LRRTM4: variants seen among roughly 807,000 people sequenced by gnomAD.
LRRTM4 encodes the protein leucine-rich repeat transmembrane neuronal protein 4.
LRRTM4 carries 25 observed loss-of-function variants against 47.6 expected under a neutral mutation model. That is an observed-to-expected ratio of 0.53 (90% CI 0.38 to 0.73). LRRTM4 has a LOEUF of 0.73. Among genes scored for constraint, LRRTM4 ranks in the 30% least tolerant of loss-of-function variants. The pLI, the probability that LRRTM4 is intolerant of heterozygous loss-of-function variation, is 0.00. For synonymous variants in LRRTM4, 311 were observed against 269.5 expected, an observed-to-expected ratio of 1.15 and a Z score of -1.51; for missense variants, 638 against 713.4, an observed-to-expected ratio of 0.89 and a Z score of 1.20.
intron 3 of LRRTM4, chr2:77,516,925 G>A: frequency 1.0e-6 from 1 of 984,418 alleles, no homozygotes; most frequent in Non-Finnish European, 1.2e-6. Context: ...TGCTATCAAA[G>A]AGCAATTATA....
At chr2:77,156,368 C>T (rs1558608888) in intron 3 of LRRTM4, among the ~76,000 whole-genome samples, 1 of 148,402 alleles carries the variant, frequency 6.7e-6, no homozygotes, top group East Asian at 2.0e-4. Flanking sequence ...AACAGAATTT[C>T]TAGAAATAAA....
At chr2:77,096,558 TGA>T (rs1396482201) in intron 3 of LRRTM4, among the ~76,000 whole-genome samples, 3 of 151,458 alleles carry the variant, frequency 2.0e-5, no homozygotes, top group African/African-American at 7.2e-5. Context: ...AAAGACAAAA[TGA>T]GAGTTAAATA....
At chr2:77,088,569 C>G (rs1680807150) in intron 3 of LRRTM4, among the ~76,000 whole-genome samples, 1 of 152,246 alleles carries the variant, frequency 6.6e-6, no homozygotes, top group East Asian at 1.9e-4. Flanking sequence ...TATCTCCATT[C>G]GCTGACTCTC....
intron 3 of LRRTM4, among the ~76,000 whole-genome samples, chr2:77,085,817 A>G (rs1380582938): frequency 6.6e-6 from 1 of 152,148 alleles, no homozygotes; most frequent in East Asian, 1.9e-4. Context: ...TAGCTAATGT[A>G]AAATATATAG....
intron 3 of LRRTM4, among the ~76,000 whole-genome samples, chr2:77,209,933 A>C (rs563053129): frequency 6.3e-4 from 96 of 152,182 alleles, no homozygotes; most frequent in Middle Eastern, 3.4e-3. Flanking sequence ...TCAAAGAGTA[A>C]CTCTTTGACT....
intron 3 of LRRTM4, among the ~76,000 whole-genome samples, chr2:77,007,529 A>G (rs1417289479): frequency 2.0e-5 from 3 of 152,210 alleles, no homozygotes; most frequent in South Asian, 4.1e-4. Flanking sequence ...AGGACCAAGG[A>G]AAAATTAATT....
intron 3 of LRRTM4, among the ~76,000 whole-genome samples, chr2:76,933,839 A>G (rs1396178358): frequency 2.0e-5 from 3 of 152,170 alleles, no homozygotes; most frequent in Non-Finnish European, 4.4e-5. Flanking sequence ...CCAGCTTTAG[A>G]GTCAGCCATG....
At chr2:77,434,316 A>G (rs1021074282) in intron 3 of LRRTM4, among the ~76,000 whole-genome samples, 1 of 152,178 alleles carries the variant, frequency 6.6e-6, no homozygotes, top group Non-Finnish European at 1.5e-5. Context: ...GAAAATAAAA[A>G]TGCTGCAAAA....
intron 3 of LRRTM4, among the ~76,000 whole-genome samples, chr2:77,055,344 C>T (rs372228869): frequency 4.6e-5 from 7 of 152,184 alleles, no homozygotes; most frequent in South Asian, 2.1e-4. Flanking sequence ...TCTGGGCACA[C>T]GTACATCTCT....
At chr2:76,768,824 C>G (rs1011298105) in intron 3 of LRRTM4, among the ~76,000 whole-genome samples, 2 of 152,134 alleles carry the variant, frequency 1.3e-5, no homozygotes, top group African/African-American at 4.8e-5. Flanking sequence ...ATTCCTCCTG[C>G]ATGAAACCGG....
chr2:77,177,676 G>T (rs1228865818), intron 3 of LRRTM4, among the ~76,000 whole-genome samples: 1 of 152,166 alleles, frequency 6.6e-6, no homozygotes, highest in Non-Finnish European at 1.5e-5. Context: ...TAATTTTCAT[G>T]ATTGGAATCC....
chr2:77,226,297 C>T (rs755972025), intron 3 of LRRTM4, among the ~76,000 whole-genome samples: 3 of 151,566 alleles, frequency 2.0e-5, no homozygotes, highest in African/African-American at 2.4e-5. Flanking sequence ...AGCACAGGTA[C>T]GGTCAGAGAA....
chr2:77,065,313 T>C (rs1679916685), intron 3 of LRRTM4, among the ~76,000 whole-genome samples: 1 of 152,156 alleles, frequency 6.6e-6, no homozygotes, highest in Admixed American at 6.5e-5. Context: ...TCAGAAGTTA[T>C]AAAGATAAAC....
At chr2:76,923,426 G>T (rs1340331228) in intron 3 of LRRTM4, among the ~76,000 whole-genome samples, 1 of 151,704 alleles carries the variant, frequency 6.6e-6, no homozygotes, top group African/African-American at 2.4e-5. Flanking sequence ...AATAAATGAA[G>T]GTAATAAATA....
chr2:76,805,202 A>T (rs975897108), intron 3 of LRRTM4, among the ~76,000 whole-genome samples: 3 of 152,096 alleles, frequency 2.0e-5, no homozygotes, highest in African/African-American at 7.2e-5. Context: ...TCCTAATGAA[A>T]TTCCACTTGT....
chr2:76,936,950 A>C (rs1295624595), intron 3 of LRRTM4, among the ~76,000 whole-genome samples: 2 of 111,976 alleles, frequency 1.8e-5, no homozygotes, highest in South Asian at 3.1e-4. Flanking sequence ...GCAAGACTCC[A>C]TCTCAAAAAA....
At chr2:76,810,747 A>G (rs1670707619) in intron 3 of LRRTM4, among the ~76,000 whole-genome samples, 1 of 152,174 alleles carries the variant, frequency 6.6e-6, no homozygotes, top group Non-Finnish European at 1.5e-5. Flanking sequence ...CAGTAGGATT[A>G]TTGGCCCCTT....
At position 76,766,490 on chromosome 2, in the gene LRRTM4, C is replaced by T. The variant is rs150009633; in HGVS notation, c.1552-17574G>A. On this transcript the variant is annotated intron_variant, in intron 3 of 3. Coordinates refer to ENST00000409884, the MANE Select transcript of LRRTM4 (RefSeq NM_001134745.3). ...TGTCTTTGGATTGCATATTGGCTAA[C>T]CTTTTACCCCTTCAGTTCTTTTAAC... 3.9e-3 allele frequency among the ~76,000 whole-genome samples: 594 copies of T among 152,288 alleles called. 9 individuals are homozygous for T. In the South Asian group the frequency reaches 0.048, roughly 12 times the overall value.
chr2:76,940,663 TTTG>T (rs1200461599), intron 3 of LRRTM4, among the ~76,000 whole-genome samples: 7 of 152,164 alleles, frequency 4.6e-5, no homozygotes, highest in Admixed American at 2.6e-4. Context: ...AAACAAATAT[TTTG>T]TTGTTGTTGT....
Sources: gnomAD v4.1 joint callset for allele counts (sites outside exome capture counted in the v4.1 genomes callset) on GRCh38, gnomAD v4.1.1 for gene constraint, MANE v1.5 for transcripts, NCBI Gene and HGNC (gene_info 2026-07-23, HGNC 2026-07-21) for gene names.